DMD: variants seen among roughly 807,000 people sequenced by gnomAD.
DMD encodes the protein dystrophin, also known as mutant dystrophin.
A neutral mutation model predicts 330.1 loss-of-function variants in DMD; 63 were observed. The ratio of observed to expected loss-of-function variants is 0.19; its 90% CI spans 0.16 to 0.24. DMD has a LOEUF of 0.24. Ranked by LOEUF, DMD falls within the 10% of genes least tolerant of loss-of-function variation. The probability of loss-of-function intolerance (pLI) is 1.00; values close to 1 mark genes in which losing one functional copy is unlikely to be tolerated. For synonymous variants in DMD, 1,223 were observed against 959.8 expected, an observed-to-expected ratio of 1.27 and a Z score of -5.07; for missense variants, 3,344 against 2,684.1, an observed-to-expected ratio of 1.25 and a Z score of -5.43.
At chrX:32,303,857 T>C (rs1201749438) in intron 42 of DMD, among the ~76,000 whole-genome samples, 2 of 110,661 alleles carry the variant, frequency 1.8e-5, no homozygotes, top group Non-Finnish European at 3.8e-5. Flanking sequence ...CCCATCCAGC[T>C]ACCAGGCACT....
chrX:31,538,617 C>T (rs2073586567), intron 55 of DMD, among the ~76,000 whole-genome samples: 1 of 111,664 alleles, frequency 9.0e-6, no homozygotes, highest in Admixed American at 9.5e-5. Context: ...GGCTAATGTC[C>T]TGCGAAGTAG....
At chrX:33,235,540 T>C (rs919232099) in intron 1 of DMD, among the ~76,000 whole-genome samples, 1 of 112,285 alleles carries the variant, frequency 8.9e-6, no homozygotes, top group African/African-American at 3.2e-5. Flanking sequence ...CAATGGTCTA[T>C]CTTGCAATTT....
intron 48 of DMD, among the ~76,000 whole-genome samples, chrX:31,872,456 G>T (rs1034261219): frequency 9.0e-6 from 1 of 111,612 alleles, no homozygotes; most frequent in Non-Finnish European, 1.9e-5. Context: ...CCATTCCGGG[G>T]GGCACAGACT....
intron 7 of DMD, among the ~76,000 whole-genome samples, chrX:32,743,953 T>G (rs1286442650): frequency 9.0e-6 from 1 of 111,272 alleles, no homozygotes; most frequent in African/African-American, 3.3e-5. Context: ...CCTAAAATAT[T>G]TGGTGCCTAA....
chrX:31,277,884 A>G (rs1187685326), intron 62 of DMD, among the ~76,000 whole-genome samples: 5 of 110,716 alleles, frequency 4.5e-5, no homozygotes, highest in Non-Finnish European at 1.9e-5. Flanking sequence ...AATGGGTTAT[A>G]AAACTACCTA....
At position 31,895,241 on chromosome X, in the gene DMD, A is replaced by G. The variant is rs775335489; in HGVS notation, c.6913-19868T>C. On this transcript the variant is annotated intron_variant, in intron 47 of 78. Coordinates refer to ENST00000357033, the MANE Select transcript of DMD (RefSeq NM_004006.3). Reference sequence around the variant, plus strand: ...GATTTCACAGAGGATATCTCATTTGAATTTTCTGTTAATTAATGGGTAAAC... The same window carrying G: ...GATTTCACAGAGGATATCTCATTTGGATTTTCTGTTAATTAATGGGTAAAC... Among the ~76,000 whole-genome samples, 18 of 111,418 alleles carry G rather than the reference A, an allele frequency of 1.6e-4. 1 individual carries two copies. The South Asian group carries it at 5.3e-3, about 33-fold the overall frequency.
At chrX:31,225,181 A>T (rs778697607) in intron 63 of DMD, among the ~76,000 whole-genome samples, 9 of 112,460 alleles carry the variant, frequency 8.0e-5, no homozygotes, top group African/African-American at 2.9e-4. Context: ...TCACATGAAC[A>T]GTACACTCTG....
chrX:31,674,396 C>T (rs989885933), intron 53 of DMD, among the ~76,000 whole-genome samples: 1 of 112,091 alleles, frequency 8.9e-6, no homozygotes, highest in Non-Finnish European at 1.9e-5. Context: ...CTAAAGAATG[C>T]CTTCAAAAAC....
chrX:32,241,284 T>C (rs764957258), intron 43 of DMD, among the ~76,000 whole-genome samples: 17 of 112,002 alleles, frequency 1.5e-4, no homozygotes, highest in Non-Finnish European at 2.8e-4. Context: ...CCCTTTAAGG[T>C]TTAAAGTTCT....
rs746803802 is a variant in DMD, at chrX:32,552,215, C to G, written c.1993-6881G>C. Among the ~76,000 whole-genome samples, 4 of 111,994 alleles carry G rather than the reference C, an allele frequency of 3.6e-5. No homozygotes were observed. In the South Asian group the frequency reaches 1.5e-3, roughly 42 times the overall value. Reference sequence around the variant, plus strand: ...AAGCTGGAACCATCCCATTGCCTGACTGCAAACTATACTACAAGGATATAG... The same window carrying G: ...AAGCTGGAACCATCCCATTGCCTGAGTGCAAACTATACTACAAGGATATAG... On this transcript the variant is annotated intron_variant, in intron 16 of 78. Coordinates refer to ENST00000357033, the MANE Select transcript of DMD (RefSeq NM_004006.3).
At chrX:32,913,298 T>A (rs1484651166) in intron 2 of DMD, among the ~76,000 whole-genome samples, 1 of 112,423 alleles carries the variant, frequency 8.9e-6, no homozygotes, top group African/African-American at 3.2e-5. Flanking sequence ...GTCTACATAA[T>A]ACAAAAAGTC....
intron 11 of DMD, among the ~76,000 whole-genome samples, chrX:32,628,652 A>C (rs983089749): frequency 9.1e-6 from 1 of 110,295 alleles, no homozygotes; most frequent in Non-Finnish European, 1.9e-5. Flanking sequence ...GTAGGTATTT[A>C]TACCTATAAA....
At chrX:31,277,647 C>T (rs999920832) in intron 62 of DMD, among the ~76,000 whole-genome samples, 3 of 111,077 alleles carry the variant, frequency 2.7e-5, no homozygotes, top group African/African-American at 9.8e-5. Flanking sequence ...CCGAGGTACA[C>T]CTGAGTTGAG....
At chrX:32,429,800 T>C (rs1229186299) in intron 29 of DMD, among the ~76,000 whole-genome samples, 1 of 110,761 alleles carries the variant, frequency 9.0e-6, no homozygotes, top group East Asian at 2.9e-4. Flanking sequence ...CTCCATATTG[T>C]TTTTAATCTA....
intron 1 of DMD, among the ~76,000 whole-genome samples, chrX:33,045,560 T>G (rs2094368425): frequency 9.0e-6 from 1 of 110,858 alleles, no homozygotes; most frequent in African/African-American, 3.3e-5. Context: ...TTAAAAGTTT[T>G]TACCTGCTCT....
At chrX:32,840,869 ATG>A (rs760807085) in intron 4 of DMD, among the ~76,000 whole-genome samples, 1 of 111,941 alleles carries the variant, frequency 8.9e-6, no homozygotes, top group Admixed American at 9.5e-5. Context: ...TCACATATAT[ATG>A]TGTTTTTGGC....
chrX:32,781,861 T>C (rs1433635425), intron 7 of DMD, among the ~76,000 whole-genome samples: 2 of 111,321 alleles, frequency 1.8e-5, no homozygotes, highest in Admixed American at 1.9e-4. Context: ...TTGAGTCACC[T>C]TTAAGAGACA....
chrX:31,480,001 C>T (rs934583284), intron 57 of DMD, among the ~76,000 whole-genome samples: 1 of 111,815 alleles, frequency 8.9e-6, no homozygotes, highest in Non-Finnish European at 1.9e-5. Flanking sequence ...TCTTTGATCT[C>T]AGAAGTGAGG....
At chrX:33,338,592 G>C (rs973146477) in intron 1 of DMD, among the ~76,000 whole-genome samples, 1 of 111,390 alleles carries the variant, frequency 9.0e-6, no homozygotes, top group Non-Finnish European at 1.9e-5. Flanking sequence ...ATTAAGAGCA[G>C]TAATCAAGCG....
Sources: gnomAD v4.1 joint callset for allele counts (sites outside exome capture counted in the v4.1 genomes callset) on GRCh38, gnomAD v4.1.1 for gene constraint, MANE v1.5 for transcripts, NCBI Gene and HGNC (gene_info 2026-07-23, HGNC 2026-07-21) for gene names.